The following RERE variants were observed in gnomAD, a reference collection of about 807,000 sequenced individuals.
RERE encodes the protein arginine-glutamic acid dipeptide repeats protein.
Under a neutral mutation model 146.1 loss-of-function variants are expected in RERE, and 40 were observed. The observed-to-expected ratio is 0.27, with a 90% CI of 0.21 to 0.36. RERE has a LOEUF of 0.36. RERE is among the 10% of genes least tolerant of loss of function. RERE has a pLI of 1.00. For synonymous variants in RERE, 1,003 were observed against 866.0 expected (o/e 1.16, Z -2.78); for missense variants, 1,933 against 2,138.7 (o/e 0.90, Z 1.90).
intron 4 of RERE, among the ~76,000 whole-genome samples, chr1:8,584,788 C>G (rs1006305144): frequency 5.3e-5 from 8 of 152,058 alleles, no homozygotes; most frequent in Non-Finnish European, 8.8e-5. Flanking sequence ...TTCCAGAAAT[C>G]ATAATTGGTG....
intron 12 of RERE, among the ~76,000 whole-genome samples, chr1:8,378,231 A>G (rs746797656): frequency 6.6e-6 from 1 of 152,198 alleles, no homozygotes; most frequent in Non-Finnish European, 1.5e-5. Flanking sequence ...CTTTCACCTG[A>G]ATTTTGGACT....
intron 11 of RERE, among the ~76,000 whole-genome samples, chr1:8,440,948 C>T (rs1644239364): frequency 7.6e-6 from 1 of 131,350 alleles, no homozygotes; most frequent in African/African-American, 2.9e-5. Flanking sequence ...TCTATGAACA[C>T]ACTAAATAAC....
At chr1:8,389,364 C>G (rs1207265399) in intron 12 of RERE, among the ~76,000 whole-genome samples, 1 of 152,194 alleles carries the variant, frequency 6.6e-6, no homozygotes, top group Non-Finnish European at 1.5e-5. Context: ...TCCCCAGCAT[C>G]CACTGGCGTG....
rs57424627 is a variant in RERE, at chr1:8,409,971, ATTTTTTTTTTTTT to A, written c.1284+12743_1284+12755del. Among the ~76,000 whole-genome samples, 397 of 95,380 alleles carry A rather than the reference ATTTTTTTTTTTTT, an allele frequency of 4.2e-3. 1 individual carries two copies. Among genetic ancestry groups the A allele is most frequent in the Middle Eastern group, 0.013 (2 of 160 alleles). The allele number at this position is 95,380 out of a possible 152,430, so 62.6% of individuals were successfully genotyped here. Reference sequence around the variant, plus strand: ...TGGGTATGCACTATTCAATCAGGCAATTTTTTTTTTTTTTTTTTTTTTTTTTTTACTAAATCCG... The same window carrying A: ...TGGGTATGCACTATTCAATCAGGCAATTTTTTTTTTTTTTTACTAAATCCG... On this transcript the variant is annotated intron_variant, in intron 12 of 22. Transcript: ENST00000400908.
At chr1:8,811,700 G>A (rs555339021) in intron 1 of RERE, among the ~76,000 whole-genome samples, 9 of 152,358 alleles carry the variant, frequency 5.9e-5, no homozygotes, top group African/African-American at 1.7e-4. Context: ...GCATGGCTGC[G>A]TGAGCTAGAA....
intron 2 of RERE, among the ~76,000 whole-genome samples, chr1:8,649,779 A>G (rs1481737837): frequency 6.6e-6 from 1 of 152,052 alleles, no homozygotes; most frequent in Non-Finnish European, 1.5e-5. Flanking sequence ...CACTATGTGT[A>G]CACTATTGTC....
At chr1:8,790,253 A>G (rs765955395) in intron 1 of RERE, among the ~76,000 whole-genome samples, 25 of 152,156 alleles carry the variant, frequency 1.6e-4, no homozygotes, top group Non-Finnish European at 2.5e-4. Flanking sequence ...GAAACGCGAG[A>G]TAGTTAAAGG....
Position 8,687,734 on chromosome 1 carries a change from T to C in RERE, c.-144-31293A>G, listed in dbSNP as rs941838402. On this transcript the variant is annotated intron_variant, in intron 1 of 22. Transcript: ENST00000400908. ...GTCATACATAACTTGAAGGGAGTCA[T>C]CAGTCATTGAAGGATTTAATAACCT... Among the ~76,000 whole-genome samples the C allele has an allele frequency of 2.6e-5, 4 of 152,230 alleles. No homozygotes were observed. In the South Asian group the frequency reaches 8.3e-4, roughly 32 times the overall value.
chr1:8,598,434 G>A (rs1646581676), intron 4 of RERE, among the ~76,000 whole-genome samples: 2 of 152,226 alleles, frequency 1.3e-5, no homozygotes, highest in South Asian at 2.1e-4. Flanking sequence ...GGAGCTGGGT[G>A]CTGGGTGGGT....
chr1:8,633,466 CACACACACACAA>C (rs1321625053), intron 2 of RERE, among the ~76,000 whole-genome samples: 2 of 152,100 alleles, frequency 1.3e-5, no homozygotes, highest in Admixed American at 6.6e-5. Flanking sequence ...CACACACACA[CACACACACACAA>C]AAATGTACTT....
At chr1:8,710,088 A>T (rs1557495996) in intron 1 of RERE, among the ~76,000 whole-genome samples, 1 of 152,190 alleles carries the variant, frequency 6.6e-6, no homozygotes, top group Non-Finnish European at 1.5e-5. Flanking sequence ...CAGTGAAAAG[A>T]TCCACTCTCA....
At chr1:8,542,448 G>A (rs935850778) in intron 6 of RERE, among the ~76,000 whole-genome samples, 8 of 152,132 alleles carry the variant, frequency 5.3e-5, no homozygotes, top group South Asian at 2.1e-4. Context: ...GGTTATCAGC[G>A]TGGGTTCATT....
chr1:8,584,162 C>A (rs1646399700), intron 4 of RERE, among the ~76,000 whole-genome samples: 2 of 151,902 alleles, frequency 1.3e-5, no homozygotes, highest in Non-Finnish European at 2.9e-5. Context: ...GTGAACACAG[C>A]TGGCAATGTC....
Position 8,364,706 on chromosome 1 carries a change from TGCCCCC to T in RERE, c.1540+34_1540+39del. ...AATGTTCAGAACATGGAAGTGCTTG[TGCCCCC>T]GCCCCGCCCCAGGAGCGTGACGAGG... On this transcript the variant is annotated intron_variant, in intron 14 of 22. Coordinates refer to ENST00000400908, the MANE Select transcript of RERE (RefSeq NM_001042681.2). This position sits in a 1 kb window ranked among gnomAD's most constrained non-coding sequence, Gnocchi z 5.1. 6.9e-7 allele frequency: 1 copy of T among 1,459,662 alleles called. No individual in the cohort carries two copies. The highest frequency in any genetic ancestry group is 9.6e-7 in the Non-Finnish European group (1 of 1,039,674). 90.4% of individuals were successfully genotyped at this position (1,459,662 alleles called of 1,614,324 possible).
At chr1:8,440,573 G>C (rs1176536874) in intron 11 of RERE, among the ~76,000 whole-genome samples, 2 of 134,556 alleles carry the variant, frequency 1.5e-5, no homozygotes, top group Non-Finnish European at 3.1e-5. Context: ...CCTGGCGACA[G>C]AGCGAGACTC....
chr1:8,619,811 T>G (rs1035293790), intron 3 of RERE, among the ~76,000 whole-genome samples: 8 of 152,248 alleles, frequency 5.3e-5, no homozygotes, highest in African/African-American at 1.9e-4. Flanking sequence ...ATCATTTCTT[T>G]TAGAACTAAA....
chr1:8,364,535 G>T lies in RERE; in HGVS notation c.1540+211C>A, dbSNP rs1281481833. 1.3e-5 allele frequency among the ~76,000 whole-genome samples: 2 copies of T among 152,134 alleles called. No homozygotes were observed. The highest frequency in any genetic ancestry group is 2.9e-5 in the Non-Finnish European group (2 of 68,022). Reference sequence around the variant, plus strand: ...TCAACCCCCCAATCCCACTCAATCTGTCCTGCCTACCAGTCAGTATTCCAT... The same window carrying T: ...TCAACCCCCCAATCCCACTCAATCTTTCCTGCCTACCAGTCAGTATTCCAT... On this transcript the variant is annotated intron_variant, in intron 14 of 22. Coordinates refer to ENST00000400908, the MANE Select transcript of RERE (RefSeq NM_001042681.2). This position sits in a 1 kb window ranked among gnomAD's most constrained non-coding sequence, Gnocchi z 5.1.
intron 11 of RERE, among the ~76,000 whole-genome samples, chr1:8,441,912 A>AT (rs1644253752): frequency 1.6e-5 from 2 of 129,012 alleles, no homozygotes; most frequent in South Asian, 5.4e-4. Flanking sequence ...ATTAAAGGAA[A>AT]TAACCATATG....
intron 8 of RERE, among the ~76,000 whole-genome samples, chr1:8,501,542 G>A (rs1447911593): frequency 2.6e-5 from 3 of 116,798 alleles, no homozygotes; most frequent in Non-Finnish European, 3.5e-5. Flanking sequence ...GGTGAGGGGC[G>A]CCTCTGCCCG....
Sources: allele counts gnomAD v4.1 joint callset (sites outside exome capture counted in the v4.1 genomes callset), GRCh38; gene constraint gnomAD v4.1.1; non-coding constraint Gnocchi (gnomAD v3.1); transcripts MANE v1.5; gene names NCBI Gene and HGNC (gene_info 2026-07-23, HGNC 2026-07-21).